WDR47: variants seen among roughly 807,000 people sequenced by gnomAD.
WDR47 encodes WD repeat domain 47, also known as WD repeat-containing protein 47.
A neutral mutation model predicts 97.2 loss-of-function variants in WDR47; 32 were observed. That is an observed-to-expected ratio of 0.33 (90% confidence interval 0.25 to 0.44). WDR47 has a LOEUF of 0.44. WDR47 is among the 20% of genes least tolerant of loss of function. WDR47 has a pLI of 1.00. For missense variants in WDR47, 782 were observed against 1,102.3 expected, an observed-to-expected ratio of 0.71 and a Z score of 4.11; for synonymous variants, 375 against 373.5, an observed-to-expected ratio of 1.00 and a Z score of -0.05.
At chr1:108,986,834 TCTTA>T in intron 9 of WDR47, 154 bp from the exon 10 acceptor site, 4 of 641,994 alleles carry the variant, frequency 6.2e-6, no homozygotes, top group Non-Finnish European at 1.0e-5. Flanking sequence ...TCTATGTTTT[TCTTA>T]CTTTATTAAA....
intron 13 of WDR47, among the ~76,000 whole-genome samples, chr1:108,975,263 T>C (rs1657793085): frequency 1.3e-5 from 2 of 152,102 alleles, no homozygotes; most frequent in African/African-American, 4.8e-5. Flanking sequence ...ACTTGAATCC[T>C]TGTCTCCCAG....
At chr1:108,978,583 C>T (rs1658110272) in intron 13 of WDR47, among the ~76,000 whole-genome samples, 1 of 151,656 alleles carries the variant, frequency 6.6e-6, no homozygotes, top group Non-Finnish European at 1.5e-5. Flanking sequence ...ATATGAGTTA[C>T]ACTTAAAGCC....
At position 109,013,857 on chromosome 1, in the gene WDR47, T is replaced by G. The variant is rs1417342359; in HGVS notation, c.311A>C (p.Glu104Ala). 21 of 1,613,646 alleles carry G rather than the reference T, an allele frequency of 1.3e-5. No individual in the cohort carries two copies. The highest frequency in any genetic ancestry group is 1.6e-5 in the Non-Finnish European group (19 of 1,179,970). Residue 104 changes from glutamate (E) to alanine (A), a missense_variant, in exon 4 of 15, where the codon GAA becomes GCA. Transcript: ENST00000369962. ...AAATCTTACATGCTGGGGCTCATCT[T>G]CTGCTGACATCGCGTTGTTAACACA... The part of the protein sequence containing the change: ...ALCVNNAMSA[E>A]DEPQHLEFTM...
At chr1:108,984,531 A>T (rs1179746090) in intron 10 of WDR47, among the ~76,000 whole-genome samples, 1 of 152,186 alleles carries the variant, frequency 6.6e-6, no homozygotes, top group Admixed American at 6.5e-5. Flanking sequence ...TAATTAAGAA[A>T]TGTTTAAAAA....
Position 108,981,843 on chromosome 1 carries a change from G to C in WDR47, c.2288C>G (p.Thr763Ser). The C allele has an allele frequency of 6.2e-7, 1 of 1,613,244 alleles. No individual in the cohort carries two copies. Among genetic ancestry groups the C allele is most frequent in the Non-Finnish European group, 8.5e-7 (1 of 1,179,614 alleles). Residue 763 changes from threonine (T) to serine (S), a missense_variant, in exon 13 of 15, where the codon ACC (threonine) becomes AGC (serine). This residue lies in a region of WDR47 where 228 missense variants were observed against 396.7 expected (regional missense o/e 0.57). Transcript: ENST00000369962. ...AGATGCAATCATCCAGCCACTCCAG[G>C]TATAAAGTGCTAAAATATGCCCTAT... The part of the protein sequence containing the change: ...GHTGHILALY[T>S]WSGWMIASGS...
chr1:109,026,589 T>A (rs1427064106), intron 1 of WDR47, among the ~76,000 whole-genome samples: 1 of 152,154 alleles, frequency 6.6e-6, no homozygotes, highest in African/African-American at 2.4e-5. Context: ...TTTACTAATT[T>A]AACTCTCAGA....
chr1:109,036,819 G>A (rs139229073), intron 1 of WDR47, among the ~76,000 whole-genome samples: 4 of 152,088 alleles, frequency 2.6e-5, no homozygotes, highest in Admixed American at 2.6e-4. Context: ...TGGGGCGACA[G>A]AGTGAGACTC....
At chr1:108,983,497 ACAAT>A (rs753917245) in intron 10 of WDR47, 46 bp from the exon 11 acceptor site, 1 of 1,488,412 alleles carries the variant, frequency 6.7e-7, no homozygotes. Context: ...CTTGCTTGCT[ACAAT>A]CAGTTATGAG....
rs926474322 is a variant in WDR47 at position 109,011,585 on chromosome 1, T to C, written c.461A>G (p.Asp154Gly). The C allele has an allele frequency of 5.6e-6, 9 of 1,614,042 alleles. No individual in the cohort carries two copies. The highest frequency in any genetic ancestry group is 7.6e-6 in the Non-Finnish European group (9 of 1,180,052). The change falls in exon 5 of 15, where the codon GAC becomes GGC. Residue 154 changes from aspartate (D) to glycine (G), a missense_variant. This residue lies in a region of WDR47 where 428 missense variants were observed against 584.3 expected (regional missense o/e 0.73). Coordinates refer to ENST00000369962, the MANE Select transcript of WDR47 (RefSeq NM_001142551.2). Reference protein sequence around the residue: ...PRLTNHAEFKDWNPSTARVHC... With the variant: ...PRLTNHAEFKGWNPSTARVHC... ...AACTCGTGCGGTGCTGGGATTCCAG[T>C]CCTTAAACTCGGCATGATTGGTCAG...
chr1:109,009,524 C>T (rs192726884), intron 5 of WDR47, among the ~76,000 whole-genome samples: 1 of 152,182 alleles, frequency 6.6e-6, no homozygotes, highest in Non-Finnish European at 1.5e-5. Flanking sequence ...TAGAAACAAC[C>T]TGGTATCCTA....
At position 108,995,775 on chromosome 1, in the gene WDR47, G is replaced by A; in HGVS notation, c.1496C>T (p.Ala499Val). The A allele has an allele frequency of 1.2e-6, 2 of 1,614,094 alleles. No individual in the cohort carries two copies. Among genetic ancestry groups the A allele is most frequent in the Non-Finnish European group, 1.7e-6 (2 of 1,179,994 alleles). ...GMDGLGNEVS[A>V]LNQQCNGSKG... ...GCTCCCATTACATTGCTGGTTGAGTGCTGATACCTCATTACCAAGGCCATC... is the reference window on the plus strand; with the variant it reads ...GCTCCCATTACATTGCTGGTTGAGTACTGATACCTCATTACCAAGGCCATC... The change falls in exon 8 of 15, where the codon GCA becomes GTA. Residue 499 changes from alanine (A) to valine (V), a missense_variant. Ala to Val is a moderately conservative substitution (Grantham distance 64, BLOSUM62 0). This residue lies in a region of WDR47 where 126 missense variants were observed against 121.3 expected (regional missense o/e 1.04). Coordinates refer to ENST00000369962, the MANE Select transcript of WDR47 (RefSeq NM_001142551.2).
At position 108,970,680 on chromosome 1, in the gene WDR47, A is replaced by T. The variant is rs921433957; in HGVS notation, c.*750T>A. ...ACATAACTGCTGCTGCTCTGCTTCT[A>T]CAGTTCAGTTTGGAAGGGAGGTATC... On this transcript the variant is annotated 3_prime_UTR_variant, in exon 15 of 15. Transcript: ENST00000369962. The T allele has an allele frequency of 6.6e-6, 1 of 152,658 alleles. No homozygotes were observed. The highest frequency in any genetic ancestry group is 2.4e-5 in the African/African-American group (1 of 41,456). The allele number at this position is 152,658 out of a possible 1,614,324, so 9.5% of individuals were successfully genotyped here.
In WDR47 at chr1:108,970,638, C is replaced by T. The variant is rs991069246; in HGVS notation, c.*792G>A. On this transcript the variant is annotated 3_prime_UTR_variant, in exon 15 of 15. Transcript: ENST00000369962. ...GAAAAATGCCAGTAAATTTACTGTA[C>T]CATCAAGTGTTGCATCACATAACTG... 3 of 152,568 alleles carry T rather than the reference C, an allele frequency of 2.0e-5. No homozygotes were observed. Among genetic ancestry groups the T allele is most frequent in the Admixed American group, 6.5e-5 (1 of 15,276 alleles). 9.5% of individuals were successfully genotyped at this position (152,568 alleles called of 1,614,324 possible). A position where few individuals can be genotyped will look rare whatever the true frequency, so the allele number is the denominator to read the frequency against.
intron 1 of WDR47, among the ~76,000 whole-genome samples, chr1:109,027,479 T>G (rs956572542): frequency 6.6e-6 from 1 of 152,182 alleles, no homozygotes; most frequent in African/African-American, 2.4e-5. Flanking sequence ...ACTGAAACAT[T>G]TATACAGGCT....
At chr1:108,982,470 C>T in intron 12 of WDR47, 139 bp downstream of exon 12, 7 of 984,418 alleles carry the variant, frequency 7.1e-6, no homozygotes, top group South Asian at 4.1e-5. Context: ...AGGTTGAGGC[C>T]GCAGTGAGCT....
intron 13 of WDR47, among the ~76,000 whole-genome samples, chr1:108,978,148 GTAAA>G (rs1448385245): frequency 3.4e-5 from 5 of 147,616 alleles, no homozygotes; most frequent in African/African-American, 1.0e-4. Flanking sequence ...ACAGTGTCCC[GTAAA>G]TAAAGATTAA....
At chr1:108,994,372 G>A (rs571790042) in intron 8 of WDR47, among the ~76,000 whole-genome samples, 9 of 152,060 alleles carry the variant, frequency 5.9e-5, no homozygotes, top group African/African-American at 1.2e-4. Flanking sequence ...ATTCCAGCCC[G>A]GGCAACAAGA....
intron 5 of WDR47, among the ~76,000 whole-genome samples, chr1:109,007,857 A>C (rs1215039223): frequency 6.6e-6 from 1 of 152,134 alleles, no homozygotes; most frequent in Non-Finnish European, 1.5e-5. Flanking sequence ...TAATCCCAGC[A>C]CTTTGGGAGG....
At chr1:108,986,389 A>G (rs1658809299) in intron 10 of WDR47, 134 bp downstream of exon 10, 2 of 732,838 alleles carry the variant, frequency 2.7e-6, no homozygotes, top group Non-Finnish European at 4.1e-6. Flanking sequence ...TTATTTTATA[A>G]CAGAAAATAA....
Sources: allele counts gnomAD v4.1 joint callset (sites outside exome capture counted in the v4.1 genomes callset), GRCh38; gene constraint gnomAD v4.1.1; regional missense constraint gnomAD v4.1.1; transcripts MANE v1.5; gene names NCBI Gene and HGNC (gene_info 2026-07-23, HGNC 2026-07-21).